Variants in PCDH15 observed in about 807,000 individuals in gnomAD.
The protein encoded by PCDH15 is protocadherin related 15.
PCDH15 carries 129 observed loss-of-function variants against 178.5 expected under a neutral mutation model. The ratio of observed to expected loss-of-function variants is 0.72; its 90% CI spans 0.63 to 0.84. The LOEUF is 0.84. Ranked by LOEUF, PCDH15 falls within the 40% of genes least tolerant of loss-of-function variation. PCDH15 has a pLI of 0.00. For synonymous variants in PCDH15, 800 were observed against 732.0 expected (o/e 1.09, Z -1.50); for missense variants, 2,230 against 2,099.9 (o/e 1.06, Z -1.21).
chr10:55,532,293 C>T (rs1841472045), intron 2 of PCDH15, among the ~76,000 whole-genome samples: 2 of 151,968 alleles, frequency 1.3e-5, no homozygotes, highest in Admixed American at 6.6e-5. Flanking sequence ...AGAGGCATAA[C>T]CAGATTTAAA....
intron 32 of PCDH15, among the ~76,000 whole-genome samples, chr10:53,823,986 G>GCTTAATTAGTTTTAAAACCTTATACAT (rs1359455289): frequency 6.6e-6 from 1 of 151,994 alleles, no homozygotes; most frequent in African/African-American, 2.4e-5. Context: ...TAAATTTTGT[G>GCTTAATTAGTTTTAAAACCTTATACAT]CTTAATTAGT....
intron 1 of PCDH15, among the ~76,000 whole-genome samples, chr10:55,201,084 A>G (rs1371681843): frequency 6.6e-6 from 1 of 152,124 alleles, no homozygotes; most frequent in Non-Finnish European, 1.5e-5. Flanking sequence ...TGGTTGAGCA[A>G]CAACACATAA....
rs916216028 is a variant in PCDH15 at position 54,191,280 on chromosome 10, A to C, written c.1305+4403T>G. Among the ~76,000 whole-genome samples, 6 of 152,294 alleles carry C rather than the reference A, an allele frequency of 3.9e-5. No homozygotes were observed. The East Asian group carries it at 1.2e-3, about 29-fold the overall frequency. The stretch of plus-strand genomic sequence containing the variant: ...CAAGTTGGAAGTATAGAATTAGAGA[A>C]ATGCACTGAGGGAGGCATGCAACTA... On this transcript the variant is annotated intron_variant, in intron 11 of 37. Transcript: ENST00000644397.
intron 8 of PCDH15, among the ~76,000 whole-genome samples, chr10:54,271,481 G>GGA (rs2132497057): frequency 6.6e-6 from 1 of 152,236 alleles, no homozygotes; most frequent in South Asian, 2.1e-4. Flanking sequence ...AATAGATGCT[G>GGA]GGATTACAGG....
chr10:54,020,770 T>A (rs61466147), intron 19 of PCDH15, among the ~76,000 whole-genome samples: 4,984 of 151,182 alleles, frequency 0.033, 256 homozygotes, highest in African/African-American at 0.11. Context: ...AGTAAAAAAA[T>A]AAATATTGTC....
At chr10:53,938,306 T>C (rs2134048046) in intron 25 of PCDH15, among the ~76,000 whole-genome samples, 1 of 152,270 alleles carries the variant, frequency 6.6e-6, no homozygotes, top group African/African-American at 2.4e-5. Context: ...AGGGTAGTAA[T>C]TCTCATTTCA....
At chr10:55,076,122 A>T (rs1841879759) in intron 2 of PCDH15, among the ~76,000 whole-genome samples, 1 of 152,144 alleles carries the variant, frequency 6.6e-6, no homozygotes, top group African/African-American at 2.4e-5. Flanking sequence ...TTTTATTTTT[A>T]AAAAATGAGA....
intron 1 of PCDH15, among the ~76,000 whole-genome samples, chr10:55,168,468 C>A (rs1007268586): frequency 6.6e-6 from 1 of 152,222 alleles, no homozygotes; most frequent in Non-Finnish European, 1.5e-5. Flanking sequence ...CCTGACTGGA[C>A]ATTAGCTCTG....
intron 2 of PCDH15, among the ~76,000 whole-genome samples, chr10:55,593,476 C>CGAATT (rs1459960069): frequency 6.6e-6 from 1 of 151,572 alleles, no homozygotes; most frequent in African/African-American, 2.4e-5. Context: ...AAGATAAAGA[C>CGAATT]GAATTACACT....
intron 2 of PCDH15, among the ~76,000 whole-genome samples, chr10:55,374,517 T>TGACA (rs562176909): frequency 1.4e-3 from 208 of 152,222 alleles, no homozygotes; most frequent in African/African-American, 4.7e-3. Context: ...ATCACTTGCT[T>TGACA]GACAGATGCC....
In PCDH15 at chr10:54,958,045, C is replaced by T. The variant is rs575487824; in HGVS notation, c.-79-60545G>A. Among the ~76,000 whole-genome samples the T allele has an allele frequency of 3.3e-5, 5 of 151,886 alleles. No homozygotes were observed. The South Asian group carries it at 6.2e-4, about 19-fold the overall frequency. On this transcript the variant is annotated intron_variant, in intron 2 of 5. Transcript: ENST00000458638. ...AATCTACATTAGCAAACTTTGCTAA[C>T]TCCTATTCTCAAATTTGCTGTCCCT...
intron 3 of PCDH15, among the ~76,000 whole-genome samples, chr10:54,418,884 C>G (rs951654189): frequency 1.3e-5 from 2 of 151,906 alleles, no homozygotes; most frequent in Non-Finnish European, 2.9e-5. Flanking sequence ...GCAACATTCA[C>G]TTCAAGGGTT....
chr10:53,958,901 C>A (rs1171807980), intron 23 of PCDH15, among the ~76,000 whole-genome samples: 1 of 143,214 alleles, frequency 7.0e-6, no homozygotes. Context: ...ATGGTGCAAA[C>A]CCAGGAGGTG....
intron 2 of PCDH15, among the ~76,000 whole-genome samples, chr10:55,360,585 T>G (rs571362833): frequency 3.9e-5 from 6 of 151,972 alleles, no homozygotes; most frequent in Non-Finnish European, 8.8e-5. Flanking sequence ...AATACCCAAA[T>G]GGATAATACA....
intron 3 of PCDH15, among the ~76,000 whole-genome samples, chr10:54,516,532 C>A (rs1335116150): frequency 1.3e-5 from 2 of 151,986 alleles, no homozygotes; most frequent in Non-Finnish European, 2.9e-5. Flanking sequence ...AAGAAACGAA[C>A]AAAGCCTCCA....
At chr10:54,074,177 C>T (rs2094298076) in intron 17 of PCDH15, among the ~76,000 whole-genome samples, 1 of 152,198 alleles carries the variant, frequency 6.6e-6, no homozygotes, top group African/African-American at 2.4e-5. Context: ...TCACTGTCCA[C>T]CTCTAGATTT....
intron 2 of PCDH15, among the ~76,000 whole-genome samples, chr10:55,543,363 A>G (rs1328264131): frequency 1.5e-5 from 2 of 130,624 alleles, no homozygotes; most frequent in African/African-American, 3.0e-5. Context: ...ATATTTAAAT[A>G]CTACATATAA....
intron 2 of PCDH15, among the ~76,000 whole-genome samples, chr10:55,610,547 T>G (rs1173557218): frequency 2.6e-5 from 4 of 152,100 alleles, no homozygotes; most frequent in Non-Finnish European, 5.9e-5. Context: ...TCATTTCAAG[T>G]TGTTGAAGCT....
chr10:54,036,523 A>G lies in PCDH15; in HGVS notation c.2221-13326T>C, dbSNP rs573811380. ...GCATATATTTATGGAAGCATAAACT[A>G]TGTTTACAGCATAGTTTAGCAAGTA... is the stretch of plus-strand genomic sequence containing the variant. On this transcript the variant is annotated intron_variant, in intron 18 of 37. Coordinates refer to ENST00000644397, the MANE Select transcript of PCDH15 (RefSeq NM_001384140.1). Among the ~76,000 whole-genome samples the G allele has an allele frequency of 1.4e-4, 22 of 151,980 alleles. No homozygotes were observed. The South Asian group carries it at 4.6e-3, about 32-fold the overall frequency.
Sources: gnomAD v4.1 joint callset for allele counts (sites outside exome capture counted in the v4.1 genomes callset) on GRCh38, gnomAD v4.1.1 for gene constraint, MANE v1.5 for transcripts, NCBI Gene and HGNC (gene_info 2026-07-23, HGNC 2026-07-21) for gene names.